The following PRKD2 variants were observed in gnomAD, a reference collection of about 807,000 sequenced individuals.
The protein encoded by PRKD2 is protein kinase D2, also known as serine/threonine-protein kinase D2.
In PRKD2, 22 loss-of-function variants were observed where a neutral mutation model predicts 86.0. That is an observed-to-expected ratio of 0.26 (90% CI 0.18 to 0.37). The LOEUF (loss-of-function observed/expected upper bound fraction) is 0.37, where lower values mean the gene tolerates loss of function less well. Ranked by LOEUF, PRKD2 falls within the 10% of genes least tolerant of loss-of-function variation. The probability of loss-of-function intolerance (pLI) is 1.00; values close to 1 mark genes in which losing one functional copy is unlikely to be tolerated. For missense variants in PRKD2, 818 were observed against 1,199.2 expected (o/e 0.68, Z 4.70); for synonymous variants, 509 against 510.9 (o/e 1.00, Z 0.05).
At chr19:46,702,049 T>G (rs908840320) in intron 5 of PRKD2, among the ~76,000 whole-genome samples, 1 of 150,750 alleles carries the variant, frequency 6.6e-6, no homozygotes, top group Admixed American at 6.6e-5. Flanking sequence ...TTTTTTTTTT[T>G]TTTTTTTAAG....
chr19:46,676,412 C>T (rs562416248), intron 16 of PRKD2, among the ~76,000 whole-genome samples: 2 of 151,966 alleles, frequency 1.3e-5, no homozygotes, highest in Non-Finnish European at 2.9e-5. Context: ...GTGACAAAAG[C>T]GAAACTCCGT....
chr19:46,680,504 G>A (rs917662310), intron 15 of PRKD2, among the ~76,000 whole-genome samples: 18 of 151,848 alleles, frequency 1.2e-4, no homozygotes, highest in African/African-American at 4.1e-4. Context: ...AGCCAGACTG[G>A]TATCCAACTC....
At chr19:46,691,599 G>A (rs2053484331) in intron 12 of PRKD2, 136 bp downstream of exon 12, 1 of 844,744 alleles carries the variant, frequency 1.2e-6, no homozygotes, top group African/African-American at 1.7e-5. Context: ...CCAGGATCTA[G>A]CTAAGCCAAT....
chr19:46,692,456 C>A (rs1176678974), intron 10 of PRKD2, among the ~76,000 whole-genome samples: 1 of 152,090 alleles, frequency 6.6e-6, no homozygotes, highest in African/African-American at 2.4e-5. Context: ...CTCTCTTCCA[C>A]CAGTCTAGGC....
Position 46,716,143 on chromosome 19 carries a change from G to A in PRKD2, c.228C>T (p.Ile76=). The change falls in exon 1 of 18, where the codon ATC becomes ATT. Residue 76 remains isoleucine (I), a synonymous_variant. Coordinates refer to ENST00000291281, the MANE Select transcript of PRKD2 (RefSeq NM_016457.5). The surrounding 1 kb of genome is among the most constrained non-coding windows in gnomAD (Gnocchi z 7.9). ...CCTGCGCCCTCACCTTCTGGTCCAC[G>A]ATGGAACAGGCCAGCTGCTTCACAT... is the stretch of plus-strand genomic sequence containing the variant. The part of the protein sequence containing the change: ...LAHVKQLACS[I]VDQKFPECGF... 6.2e-7 allele frequency: 1 copy of A among 1,610,302 alleles called. No individual in the cohort carries two copies. The highest frequency in any genetic ancestry group is 1.7e-5 in the Admixed American group (1 of 59,884).
rs958934940 is a variant in PRKD2 at position 46,693,907 on chromosome 19, T to C, written c.1544A>G (p.Asp515Gly). The change falls in exon 10 of 18, where the codon GAC (aspartate) becomes GGC (glycine). Residue 515 changes from aspartate (D) to glycine (G), a missense_variant. Asp to Gly is a moderately conservative substitution (Grantham distance 94). Transcript: ENST00000291281. This position sits in a 1 kb window ranked among gnomAD's most constrained non-coding sequence, Gnocchi z 4.5. Reference sequence around the variant, plus strand: ...CGCGTGGCCTGGGGCGCTGGGTGCGTCCTGAAGGATGACGGGCATCAGGGC... The same window carrying C: ...CGCGTGGCCTGGGGCGCTGGGTGCGCCCTGAAGGATGACGGGCATCAGGGC... The part of the protein sequence containing the change: ...RQALMPVILQ[D>G]APSAPGHAPH... 3 of 1,608,590 alleles carry C rather than the reference T, an allele frequency of 1.9e-6. No individual in the cohort carries two copies. The highest frequency in any genetic ancestry group is 2.5e-6 in the Non-Finnish European group (3 of 1,178,968).
intron 1 of PRKD2, among the ~76,000 whole-genome samples, chr19:46,715,389 G>C (rs2053868622): frequency 6.6e-6 from 1 of 152,202 alleles, no homozygotes; most frequent in Non-Finnish European, 1.5e-5. Flanking sequence ...TGCCTAGGAT[G>C]CATATTCCAA....
chr19:46,707,401 G>A (rs779616227), intron 3 of PRKD2, among the ~76,000 whole-genome samples: 4 of 151,484 alleles, frequency 2.6e-5, no homozygotes, highest in Non-Finnish European at 5.9e-5. Context: ...AAACCAGCCT[G>A]GCCAACATGG....
chr19:46,713,851 A>G lies in PRKD2; in HGVS notation c.379+12T>C, dbSNP rs757542605. On this transcript the variant is annotated intron_variant, in intron 2 of 17. Coordinates refer to ENST00000291281, the MANE Select transcript of PRKD2 (RefSeq NM_016457.5). Reference sequence around the variant, plus strand: ...CCGAGGCCCCGCCCCCAGGCCGGCCACCACCTCTCACCCGACAGCACCACC... The same window carrying G: ...CCGAGGCCCCGCCCCCAGGCCGGCCGCCACCTCTCACCCGACAGCACCACC... 6.6e-6 allele frequency: 7 copies of G among 1,059,156 alleles called. No homozygotes were observed. In the Admixed American group the frequency reaches 2.3e-4, roughly 35 times the overall value. 65.6% of individuals were successfully genotyped at this position (1,059,156 alleles called of 1,614,324 possible). A position where few individuals can be genotyped will look rare whatever the true frequency, so the allele number is the denominator to read the frequency against.
chr19:46,691,196 T>C (rs2053478836), intron 12 of PRKD2, among the ~76,000 whole-genome samples: 1 of 152,068 alleles, frequency 6.6e-6, no homozygotes, highest in Non-Finnish European at 1.5e-5. Context: ...ATCTAGGATT[T>C]AGCCTGTGGC....
At chr19:46,709,001 G>A (rs1367875028) in intron 3 of PRKD2, among the ~76,000 whole-genome samples, 35 of 136,956 alleles carry the variant, frequency 2.6e-4, no homozygotes, top group African/African-American at 9.0e-4. Flanking sequence ...TTTTTGAGAC[G>A]GAGTCTCGCT....
At chr19:46,690,833 G>T in intron 12 of PRKD2, 127 bp from the exon 13 acceptor site, 1 of 780,288 alleles carries the variant, frequency 1.3e-6, no homozygotes, top group Non-Finnish European at 2.1e-6. Context: ...AGAGTTGGAA[G>T]GCCCCAGGAG....
rs372266146 is a variant in PRKD2 at position 46,703,392 on chromosome 19, C to T, written c.889+777G>A. 5.9e-5 allele frequency among the ~76,000 whole-genome samples: 9 copies of T among 152,014 alleles called. No homozygotes were observed. The East Asian group carries it at 1.2e-3, about 20-fold the overall frequency. On this transcript the variant is annotated intron_variant, in intron 5 of 17. Transcript: ENST00000291281. ...CTGTAATCCCAGCACTTTGGGAGGC[C>T]GAGGTAGGAGGATTGCTTGAGCCCA...
rs752855161 is a variant in PRKD2, at chr19:46,704,387, C to T, written c.671G>A (p.Arg224His). Residue 224 changes from arginine to histidine, a missense_variant, in exon 5 of 18, where the codon CGT (arginine) becomes CAT (histidine). By Grantham distance (29) the Arg-to-His change is conservative. This residue lies in a region of PRKD2 where 403 missense variants were observed against 518.6 expected (regional missense o/e 0.78). Coordinates refer to ENST00000291281, the MANE Select transcript of PRKD2 (RefSeq NM_016457.5). ...GCGAGGCAGGAGTTCGGTGGTGCTACGGCTCTGTCGTTGGCAAGAATGGAG... is the reference window on the plus strand; with the variant it reads ...GCGAGGCAGGAGTTCGGTGGTGCTATGGCTCTGTCGTTGGCAAGAATGGAG... ...SLPCTAEELS[R>H]STTELLPRRP... 1.4e-5 allele frequency: 22 copies of T among 1,613,942 alleles called. No homozygotes were observed. Among genetic ancestry groups the T allele is most frequent in the East Asian group, 1.1e-4 (5 of 44,882 alleles).
chr19:46,701,659 G>T (rs976821416), intron 5 of PRKD2, among the ~76,000 whole-genome samples: 2 of 151,498 alleles, frequency 1.3e-5, no homozygotes, highest in Admixed American at 1.3e-4. Flanking sequence ...CGACTTGTGT[G>T]TGTGTGTGTG....
chr19:46,710,887 C>A lies in PRKD2; in HGVS notation c.511+20G>T. The A allele has an allele frequency of 6.4e-7, 1 of 1,551,362 alleles. No individual in the cohort carries two copies. Among genetic ancestry groups the A allele is most frequent in the East Asian group, 2.4e-5 (1 of 41,712 alleles). ...GCAGAGCCCCGCCCCAGGCCCCGCC[C>A]CCAACCCTTTAGCTCTCACCATCGC... On this transcript the variant is annotated intron_variant, in intron 3 of 17. Transcript: ENST00000291281.
intron 15 of PRKD2, among the ~76,000 whole-genome samples, chr19:46,680,445 T>C (rs1024793831): frequency 1.3e-5 from 2 of 151,926 alleles, no homozygotes; most frequent in Admixed American, 6.6e-5. Flanking sequence ...CCCGCCACCA[T>C]GCCCAGCTAA....
intron 9 of PRKD2, among the ~76,000 whole-genome samples, chr19:46,694,468 G>T (rs1351763645): frequency 6.6e-6 from 1 of 152,020 alleles, no homozygotes; most frequent in African/African-American, 2.4e-5. Context: ...GGTGGTGTGC[G>T]CCTGTAATCC....
At chr19:46,712,414 G>A (rs1218301100) in intron 2 of PRKD2, among the ~76,000 whole-genome samples, 4 of 151,768 alleles carry the variant, frequency 2.6e-5, no homozygotes, top group Non-Finnish European at 4.4e-5. Flanking sequence ...GGTAGCAGGC[G>A]CCTGTAATCC....
Sources: gnomAD v4.1 joint callset for allele counts (sites outside exome capture counted in the v4.1 genomes callset) on GRCh38, gnomAD v4.1.1 for gene constraint, gnomAD v4.1.1 regional missense constraint, Gnocchi (gnomAD v3.1) non-coding constraint, MANE v1.5 for transcripts, NCBI Gene and HGNC (gene_info 2026-07-23, HGNC 2026-07-21) for gene names.